MED13L: variants seen among roughly 807,000 people sequenced by gnomAD.
The protein encoded by MED13L is mediator of RNA polymerase II transcription subunit 13-like.
In MED13L, 7 loss-of-function variants were observed where a neutral mutation model predicts 220.9. That is an observed-to-expected ratio of 0.03 (90% confidence interval 0.02 to 0.06). The LOEUF (loss-of-function observed/expected upper bound fraction) is 0.06, where lower values mean the gene tolerates loss of function less well. MED13L is among the 10% of genes least tolerant of loss of function. The pLI, the probability that MED13L is intolerant of heterozygous loss-of-function variation, is 1.00. For missense variants in MED13L, 1,965 were observed against 2,760.5 expected (o/e 0.71, Z 6.46); for synonymous variants, 1,011 against 1,015.2 (o/e 1.00, Z 0.08).
At chr12:116,215,102 T>A (rs1170635126) in intron 2 of MED13L, among the ~76,000 whole-genome samples, 1 of 152,110 alleles carries the variant, frequency 6.6e-6, no homozygotes, top group Admixed American at 6.6e-5. Context: ...AATAAAGAGG[T>A]TTGTTTTTTG....
At chr12:115,985,094 C>T (rs1877596771) in intron 19 of MED13L, among the ~76,000 whole-genome samples, 1 of 152,140 alleles carries the variant, frequency 6.6e-6, no homozygotes. Context: ...GTATCAATTA[C>T]TGCCGAATAA....
At chr12:116,116,715 T>C (rs940008176) in intron 2 of MED13L, among the ~76,000 whole-genome samples, 2 of 151,622 alleles carry the variant, frequency 1.3e-5, no homozygotes, top group Non-Finnish European at 2.9e-5. Context: ...TGGGATGCTA[T>C]CCCCAGGTAG....
chr12:116,014,211 G>T (rs1879590006), intron 8 of MED13L, among the ~76,000 whole-genome samples: 1 of 152,174 alleles, frequency 6.6e-6, no homozygotes, highest in Non-Finnish European at 1.5e-5. Context: ...CAAAGGACAG[G>T]TTTTAAATCT....
At chr12:116,008,282 T>G in intron 10 of MED13L, 119 bp downstream of exon 10, 3 of 1,370,092 alleles carry the variant, frequency 2.2e-6, no homozygotes, top group Non-Finnish European at 2.0e-6. Context: ...ATATCCGGAG[T>G]CAAGAAGGAC....
intron 2 of MED13L, among the ~76,000 whole-genome samples, chr12:116,122,906 C>A (rs1368394398): frequency 1.3e-5 from 2 of 152,270 alleles, no homozygotes; most frequent in South Asian, 2.1e-4. Context: ...ATAAACTGTA[C>A]AAGGCCTTCA....
intron 29 of MED13L, among the ~76,000 whole-genome samples, chr12:115,965,195 T>C (rs1456849030): frequency 2.0e-5 from 3 of 152,240 alleles, no homozygotes; most frequent in Admixed American, 6.5e-5. Context: ...GATTACTCCA[T>C]GGTAATCTCT....
In MED13L at chr12:116,006,340, A is replaced by C; in HGVS notation, c.2310T>G (p.Asn770Lys). The C allele has an allele frequency of 6.2e-7, 1 of 1,613,974 alleles. No homozygotes were observed. The highest frequency in any genetic ancestry group is 8.5e-7 in the Non-Finnish European group (1 of 1,179,902). The change falls in exon 12 of 31, where the codon AAT becomes AAG. Residue 770 changes from asparagine to lysine, a missense_variant. Asn to Lys is a moderately conservative substitution (Grantham distance 94). Transcript: ENST00000281928. ...GHSTPVPDGKNAMSIFSSATK... is the reference protein window; with the variant it reads ...GHSTPVPDGKKAMSIFSSATK... Reference sequence around the variant, plus strand: ...TAGCAGAACTGAAAATAGACATGGCATTTTTCCCATCAGGCACCGGCGTGG... The same window carrying C: ...TAGCAGAACTGAAAATAGACATGGCCTTTTTCCCATCAGGCACCGGCGTGG...
intron 2 of MED13L, among the ~76,000 whole-genome samples, chr12:116,158,167 C>A (rs544861680): frequency 1.5e-3 from 215 of 146,188 alleles, no homozygotes; most frequent in Non-Finnish European, 2.4e-3. Context: ...AAAAAAAAAA[C>A]CGAGAAACAG....
intron 2 of MED13L, among the ~76,000 whole-genome samples, chr12:116,124,779 A>T (rs536322110): frequency 9.8e-5 from 15 of 152,290 alleles, no homozygotes; most frequent in Admixed American, 3.9e-4. Context: ...ACAACATATA[A>T]AGTCAGTTTT....
Position 116,200,220 on chromosome 12 carries a change from T to C in MED13L, c.310+37248A>G, listed in dbSNP as rs549771461. Among the ~76,000 whole-genome samples, 10 of 152,314 alleles carry C rather than the reference T, an allele frequency of 6.6e-5. No homozygotes were observed. In the Middle Eastern group the frequency reaches 0.02, roughly 311 times the overall value. ...AGTACTACCAATCCCCTGCCTTTTTTTTAATTATCGCATTTCCTTCTTACC... is the reference window on the plus strand; with the variant it reads ...AGTACTACCAATCCCCTGCCTTTTTCTTAATTATCGCATTTCCTTCTTACC... On this transcript the variant is annotated intron_variant, in intron 2 of 30. Coordinates refer to ENST00000281928, the MANE Select transcript of MED13L (RefSeq NM_015335.5).
At chr12:116,016,932 T>A (rs1024617635) in intron 7 of MED13L, among the ~76,000 whole-genome samples, 1 of 152,332 alleles carries the variant, frequency 6.6e-6, no homozygotes, top group South Asian at 2.1e-4. Context: ...GACGGCAAAG[T>A]AGCCCATTCT....
At chr12:115,977,215 G>A (rs1876998859) in intron 23 of MED13L, among the ~76,000 whole-genome samples, 1 of 152,218 alleles carries the variant, frequency 6.6e-6, no homozygotes, top group African/African-American at 2.4e-5. Flanking sequence ...CTGCAGGCCA[G>A]ATACAGCCCA....
chr12:116,055,750 C>T (rs1189351098), intron 4 of MED13L, among the ~76,000 whole-genome samples: 5 of 152,066 alleles, frequency 3.3e-5, no homozygotes, highest in East Asian at 3.9e-4. Context: ...AAAAATTAGC[C>T]GGGCTTGATA....
chr12:115,985,057 C>T (rs889255107), intron 19 of MED13L, among the ~76,000 whole-genome samples: 8 of 152,150 alleles, frequency 5.3e-5, no homozygotes, highest in African/African-American at 1.9e-4. Flanking sequence ...CCGACAAAAT[C>T]CTCTAGTGTA....
chr12:116,112,211 A>T (rs945728677), intron 2 of MED13L, among the ~76,000 whole-genome samples: 1 of 152,206 alleles, frequency 6.6e-6, no homozygotes, highest in African/African-American at 2.4e-5. Context: ...TTATTTTCAT[A>T]AATATATAAA....
chr12:115,981,185 T>C (rs1008399821), intron 22 of MED13L, among the ~76,000 whole-genome samples: 5 of 152,342 alleles, frequency 3.3e-5, no homozygotes, highest in South Asian at 2.1e-4. Context: ...CAAGTTATAC[T>C]GTCACTTAGA....
intron 4 of MED13L, among the ~76,000 whole-genome samples, chr12:116,045,665 T>G (rs1688529242): frequency 6.6e-6 from 1 of 152,122 alleles, no homozygotes; most frequent in Admixed American, 6.5e-5. Flanking sequence ...TGACCAACAT[T>G]AACATAACAA....
chr12:116,206,506 T>C (rs1300732646), intron 2 of MED13L, among the ~76,000 whole-genome samples: 1 of 152,114 alleles, frequency 6.6e-6, no homozygotes, highest in African/African-American at 2.4e-5. Flanking sequence ...ATCAGTTTCA[T>C]GAATGAACAT....
chr12:115,963,272 C>T, intron 30 of MED13L, 135 bp downstream of exon 30: 2 of 746,066 alleles, frequency 2.7e-6, no homozygotes, highest in South Asian at 1.5e-5. Flanking sequence ...CTCTCACTGA[C>T]TCATCAGATA....
Sources: allele counts gnomAD v4.1 joint callset (sites outside exome capture counted in the v4.1 genomes callset), GRCh38; gene constraint gnomAD v4.1.1; transcripts MANE v1.5; gene names NCBI Gene and HGNC (gene_info 2026-07-23, HGNC 2026-07-21).